The following RSRC1 variants were observed in gnomAD, a reference collection of about 807,000 sequenced individuals.
RSRC1 encodes serine/Arginine-related protein 53.
In RSRC1, 39 loss-of-function variants were observed where a neutral mutation model predicts 49.1. The ratio of observed to expected loss-of-function variants is 0.79; its 90% confidence interval spans 0.61 to 1.04. RSRC1 has a LOEUF of 1.04. Among genes scored for constraint, RSRC1 ranks in the 50% least tolerant of loss-of-function variants. RSRC1 has a pLI of 0.00. For missense variants in RSRC1, 388 were observed against 402.4 expected (o/e 0.96, Z 0.31); for synonymous variants, 143 against 130.8 (o/e 1.09, Z -0.63).
chr3:158,203,001 T>A lies in RSRC1; in HGVS notation c.321-71T>A, dbSNP rs1721147259. ...AACTAAGTAGTTTTTTTCAGATAAT[T>A]TAAAAGAGTATTTACTTTTCACGAT... is the stretch of plus-strand genomic sequence containing the variant. On this transcript the variant is annotated intron_variant, in intron 3 of 9. Transcript: ENST00000611884. 2.4e-6 allele frequency: 3 copies of A among 1,254,876 alleles called. No homozygotes were observed. The African/African-American group carries it at 4.5e-5, about 19-fold the overall frequency. The allele number at this position is 1,254,876 out of a possible 1,614,324, so 77.7% of individuals were successfully genotyped here.
At chr3:158,526,058 G>C (rs914500605) in intron 7 of RSRC1, among the ~76,000 whole-genome samples, 1 of 151,894 alleles carries the variant, frequency 6.6e-6, no homozygotes, top group Admixed American at 6.6e-5. Flanking sequence ...AGCTAATATT[G>C]TAAGTGCAAT....
At chr3:158,469,754 A>G (rs1407941339) in intron 7 of RSRC1, 1 of 152,180 alleles carries the variant, frequency 6.6e-6, no homozygotes, top group Non-Finnish European at 1.5e-5. Context: ...CTCTGTTGAT[A>G]TAAAATGATG....
intron 7 of RSRC1, among the ~76,000 whole-genome samples, chr3:158,465,626 G>T (rs73030518): frequency 1.9e-4 from 29 of 152,146 alleles, no homozygotes; most frequent in African/African-American, 7.0e-4. Context: ...TCCTGAATTG[G>T]CTACTCATTG....
intron 6 of RSRC1, among the ~76,000 whole-genome samples, chr3:158,404,136 A>AT (rs1382192897): frequency 6.6e-6 from 1 of 151,900 alleles, no homozygotes; most frequent in Non-Finnish European, 1.5e-5. Context: ...GAAGTGCATC[A>AT]AATTTAGTAT....
chr3:158,164,072 A>G lies in RSRC1; in HGVS notation c.321-39000A>G, dbSNP rs188108060. On this transcript the variant is annotated intron_variant, in intron 3 of 9. Transcript: ENST00000611884. The stretch of plus-strand genomic sequence containing the variant: ...GTATATTTTAAAAGTCTAGTCTAGA[A>G]AAATTTATCCTCAAAATTTTACTTA... 4.1e-3 allele frequency among the ~76,000 whole-genome samples: 627 copies of G among 152,316 alleles called. 2 individuals are homozygous for G. Among genetic ancestry groups the G allele is most frequent in the Non-Finnish European group, 6.1e-3 (412 of 68,010 alleles).
chr3:158,326,307 C>A (rs9879272), intron 5 of RSRC1, among the ~76,000 whole-genome samples: 87,619 of 151,936 alleles, frequency 0.58, 25,588 homozygotes, highest in East Asian at 0.74. Flanking sequence ...TGTCTTGTGC[C>A]GGTTTTCAAA....
chr3:158,435,230 T>C lies in RSRC1; in HGVS notation c.584-25705T>C, dbSNP rs982515699. On this transcript the variant is annotated intron_variant, in intron 6 of 9. Transcript: ENST00000611884. Reference sequence around the variant, plus strand: ...GTGAAATCTCTTGCATTTTTTTTAATTAATACTACACAAGCATTCTGCTGC... The same window carrying C: ...GTGAAATCTCTTGCATTTTTTTTAACTAATACTACACAAGCATTCTGCTGC... 3.3e-5 allele frequency among the ~76,000 whole-genome samples: 5 copies of C among 151,798 alleles called. No homozygotes were observed. The East Asian group carries it at 9.7e-4, about 29-fold the overall frequency.
chr3:158,434,999 A>G (rs1187316033), intron 6 of RSRC1, among the ~76,000 whole-genome samples: 2 of 151,972 alleles, frequency 1.3e-5, no homozygotes, highest in Admixed American at 1.3e-4. Flanking sequence ...AAGGATCTCA[A>G]ACTCATTAAG....
chr3:158,356,360 T>C (rs1052480033), intron 6 of RSRC1, among the ~76,000 whole-genome samples: 3 of 152,068 alleles, frequency 2.0e-5, no homozygotes, highest in Middle Eastern at 3.2e-3. Flanking sequence ...GTTCTTTGTA[T>C]TCTCATTTAA....
intron 6 of RSRC1, among the ~76,000 whole-genome samples, chr3:158,385,433 T>C (rs560004753): frequency 1.3e-5 from 2 of 152,308 alleles, no homozygotes; most frequent in East Asian, 3.9e-4. Flanking sequence ...TACCTCTGCC[T>C]GAGGAATCAG....
rs564140141 is a variant in RSRC1 at position 158,283,339 on chromosome 3, A to C, written c.495-14700A>C. ...GACTAATAATTTTTTTTCATGGAAG[A>C]CACTTTAGAAAACATATAAACAATT... On this transcript the variant is annotated intron_variant, in intron 4 of 9. Coordinates refer to ENST00000611884, the MANE Select transcript of RSRC1 (RefSeq NM_001271838.2). Among the ~76,000 whole-genome samples, 4 of 152,182 alleles carry C rather than the reference A, an allele frequency of 2.6e-5. No individual in the cohort carries two copies. In the East Asian group the frequency reaches 7.7e-4, roughly 29 times the overall value.
chr3:158,391,167 C>A (rs930897701), intron 6 of RSRC1, among the ~76,000 whole-genome samples: 3 of 151,896 alleles, frequency 2.0e-5, no homozygotes, highest in African/African-American at 4.8e-5. Flanking sequence ...TTCTCCACAC[C>A]CCCACCCTGG....
rs186822738 is a variant in RSRC1 at position 158,127,419 on chromosome 3, T to A, written c.320+3428T>A. Among the ~76,000 whole-genome samples, 177 of 152,186 alleles carry A rather than the reference T, an allele frequency of 1.2e-3. 1 individual carries two copies. The highest frequency in any genetic ancestry group is 4.0e-3 in the African/African-American group (167 of 41,554). On this transcript the variant is annotated intron_variant, in intron 3 of 9. Coordinates refer to ENST00000611884, the MANE Select transcript of RSRC1 (RefSeq NM_001271838.2). ...ATAATTTTGAATTGACCTTTCTTTG[T>A]GTTTTCTGATTTTATTCTTCTGCTT...
chr3:158,439,549 G>C (rs181806266), intron 6 of RSRC1, among the ~76,000 whole-genome samples: 174 of 152,130 alleles, frequency 1.1e-3, no homozygotes, highest in Admixed American at 2.3e-3. Context: ...TCATTCTCAG[G>C]AAACTATCGC....
At chr3:158,205,215 G>A (rs771670897) in intron 4 of RSRC1, among the ~76,000 whole-genome samples, 13 of 152,242 alleles carry the variant, frequency 8.5e-5, no homozygotes, top group Non-Finnish European at 1.3e-4. Context: ...TTAGTGGGCC[G>A]TAGTAGAGGA....
At chr3:158,470,357 CACACATATAT>C (rs565470543) in intron 7 of RSRC1, among the ~76,000 whole-genome samples, 23,897 of 128,026 alleles carry the variant, frequency 0.19, 2,106 homozygotes, top group Middle Eastern at 0.28. Context: ...CACACACACA[CACACATATAT>C]ATATATATAT....
chr3:158,516,642 C>G (rs534100691), intron 7 of RSRC1, among the ~76,000 whole-genome samples: 236 of 152,354 alleles, frequency 1.5e-3, no homozygotes, highest in African/African-American at 5.3e-3. Flanking sequence ...AGCTTCCCGG[C>G]TGCTTTGTTT....
intron 3 of RSRC1, among the ~76,000 whole-genome samples, chr3:158,174,518 C>T (rs1245356942): frequency 6.6e-6 from 1 of 151,922 alleles, no homozygotes; most frequent in East Asian, 1.9e-4. Context: ...ATACCCCTCA[C>T]AATCATTATT....
At chr3:158,153,476 T>C (rs114419582) in intron 3 of RSRC1, among the ~76,000 whole-genome samples, 5,702 of 152,322 alleles carry the variant, frequency 0.037, 354 homozygotes, top group African/African-American at 0.13. Flanking sequence ...AATGACAATG[T>C]GGCATGGTAT....
Sources: gnomAD v4.1 joint callset for allele counts (sites outside exome capture counted in the v4.1 genomes callset) on GRCh38, gnomAD v4.1.1 for gene constraint, MANE v1.5 for transcripts, NCBI Gene and HGNC (gene_info 2026-07-23, HGNC 2026-07-21) for gene names.